EEFSEC: variants seen among roughly 807,000 people sequenced by gnomAD.
EEFSEC encodes the protein selenocysteine-specific elongation factor.
In EEFSEC, 43 loss-of-function variants were observed where a neutral mutation model predicts 42.1. The ratio of observed to expected loss-of-function variants is 1.02; its 90% confidence interval spans 0.80 to 1.32. The LOEUF is 1.32. Among genes scored for constraint, EEFSEC ranks in the 40% most tolerant of loss-of-function variants. The pLI, the probability that EEFSEC is intolerant of heterozygous loss-of-function variation, is 0.00. For missense variants in EEFSEC, 745 were observed against 803.6 expected (o/e 0.93, Z 0.88); for synonymous variants, 354 against 339.1 (o/e 1.04, Z -0.48).
intron 4 of EEFSEC, among the ~76,000 whole-genome samples, chr3:128,291,571 T>C (rs2066644393): frequency 6.6e-6 from 1 of 152,218 alleles, no homozygotes; most frequent in Admixed American, 6.5e-5. Flanking sequence ...CATTATAAAT[T>C]ACCCAGTCTC....
intron 4 of EEFSEC, among the ~76,000 whole-genome samples, chr3:128,307,933 G>A (rs954243288): frequency 2.2e-4 from 33 of 152,210 alleles, no homozygotes; most frequent in African/African-American, 6.8e-4. Flanking sequence ...TGTGGCAGGC[G>A]AGAGCACATG....
At chr3:128,286,590 T>C (rs2066588677) in intron 4 of EEFSEC, among the ~76,000 whole-genome samples, 2 of 152,334 alleles carry the variant, frequency 1.3e-5, no homozygotes, top group South Asian at 2.1e-4. Context: ...CCTCTTGACA[T>C]GGCCCATCCT....
At chr3:128,258,403 G>A (rs2066264595) in intron 2 of EEFSEC, among the ~76,000 whole-genome samples, 1 of 152,158 alleles carries the variant, frequency 6.6e-6, no homozygotes, top group Non-Finnish European at 1.5e-5. Flanking sequence ...CCTTGCTTCT[G>A]CTATTTGCTT....
chr3:128,294,199 T>C (rs190291047), intron 4 of EEFSEC, among the ~76,000 whole-genome samples: 1 of 152,300 alleles, frequency 6.6e-6, no homozygotes, highest in East Asian at 1.9e-4. Flanking sequence ...AGATACCTGG[T>C]GAGGCCCAGA....
Position 128,377,678 on chromosome 3 carries a change from T to G in EEFSEC, c.1600+19305T>G, listed in dbSNP as rs1237863397. ...GGAAGCATCTCTGTCTATAAATCTC[T>G]GTTTTAATATGTAGGGTATTTTCTT... On this transcript the variant is annotated intron_variant, in intron 6 of 6. Transcript: ENST00000254730. Among the ~76,000 whole-genome samples the G allele has an allele frequency of 3.3e-5, 5 of 152,254 alleles. No homozygotes were observed. The East Asian group carries it at 9.6e-4, about 29-fold the overall frequency.
intron 4 of EEFSEC, among the ~76,000 whole-genome samples, chr3:128,294,166 T>A (rs1466609527): frequency 6.6e-6 from 1 of 152,154 alleles, no homozygotes; most frequent in Non-Finnish European, 1.5e-5. Context: ...CCATTAGGGG[T>A]CCTCACTGGG....
chr3:128,392,654 A>AG (rs2067928833), intron 6 of EEFSEC, among the ~76,000 whole-genome samples: 1 of 152,208 alleles, frequency 6.6e-6, no homozygotes, highest in African/African-American at 2.4e-5. Context: ...AAGTGACAGG[A>AG]GGCTGCCCCT....
intron 1 of EEFSEC, among the ~76,000 whole-genome samples, chr3:128,243,350 C>T (rs571657470): frequency 6.6e-6 from 1 of 152,344 alleles, no homozygotes; most frequent in African/African-American, 2.4e-5. Flanking sequence ...TTCCCATCCA[C>T]AGGATCTCAA....
At chr3:128,391,172 A>G (rs1434060016) in intron 6 of EEFSEC, among the ~76,000 whole-genome samples, 1 of 152,250 alleles carries the variant, frequency 6.6e-6, no homozygotes, top group East Asian at 1.9e-4. Flanking sequence ...ATTCTTGATT[A>G]AATGAATGCA....
At chr3:128,286,709 G>A (rs916712519) in intron 4 of EEFSEC, among the ~76,000 whole-genome samples, 2 of 152,222 alleles carry the variant, frequency 1.3e-5, no homozygotes, top group Non-Finnish European at 2.9e-5. Flanking sequence ...ACCTTCTATA[G>A]GAGAATGGTA....
At chr3:128,182,888 GGGT>G (rs201222198) in intron 1 of EEFSEC, among the ~76,000 whole-genome samples, 16,299 of 145,594 alleles carry the variant, frequency 0.11, 1,300 homozygotes, top group Middle Eastern at 0.18. Flanking sequence ...CGGGGCGGGG[GGGT>G]GGGGTGGTTG....
intron 1 of EEFSEC, among the ~76,000 whole-genome samples, chr3:128,200,039 A>G (rs993014030): frequency 4.6e-5 from 7 of 151,760 alleles, no homozygotes; most frequent in African/African-American, 1.7e-4. Context: ...CAGCCTAAAA[A>G]TATTATTTTA....
At position 128,329,949 on chromosome 3, in the gene EEFSEC, C is replaced by A. The variant is rs568373418; in HGVS notation, c.787-11284C>A. Among the ~76,000 whole-genome samples the A allele has an allele frequency of 6.6e-5, 10 of 152,338 alleles. No individual in the cohort carries two copies. The South Asian group carries it at 2.1e-3, about 32-fold the overall frequency. ...AGGCCCAGGGCCCACAGGTGAGGTA[C>A]TGTTCACTGCTCCATGGCGGTGATG... On this transcript the variant is annotated intron_variant, in intron 4 of 6. Coordinates refer to ENST00000254730, the MANE Select transcript of EEFSEC (RefSeq NM_021937.5).
chr3:128,290,729 G>A (rs893410749), intron 4 of EEFSEC, among the ~76,000 whole-genome samples: 5 of 151,868 alleles, frequency 3.3e-5, no homozygotes, highest in South Asian at 2.1e-4. Context: ...ATGTTTTATC[G>A]TTTTTTGGGG....
chr3:128,303,422 G>A (rs2066792558), intron 4 of EEFSEC, among the ~76,000 whole-genome samples: 1 of 152,208 alleles, frequency 6.6e-6, no homozygotes, highest in Admixed American at 6.5e-5. Flanking sequence ...TGACCTGATA[G>A]GTGAAACAAG....
chr3:128,315,218 T>C (rs949930114), intron 4 of EEFSEC, among the ~76,000 whole-genome samples: 1 of 152,166 alleles, frequency 6.6e-6, no homozygotes, highest in African/African-American at 2.4e-5. Context: ...ACCTGCCTCA[T>C]TGGTAGTGGA....
At chr3:128,369,984 A>G (rs58603808) in intron 6 of EEFSEC, among the ~76,000 whole-genome samples, 2,848 of 152,298 alleles carry the variant, frequency 0.019, 95 homozygotes, top group African/African-American at 0.064. Flanking sequence ...TCTAGGATAC[A>G]GTCCATTTTC....
chr3:128,358,253 T>C lies in EEFSEC; in HGVS notation c.1480T>C (p.Phe494Leu), dbSNP rs764886369. 6.2e-7 allele frequency: 1 copy of C among 1,614,130 alleles called. No homozygotes were observed. The highest frequency in any genetic ancestry group is 2.2e-5 in the East Asian group (1 of 44,878). ...CTACAGTGTGATCGGCCGCTCCCTG[T>C]TCAAAAAGGAAACCAACATCCAGCT... ...DDYSVIGRSL[F>L]KKETNIQLFV... The change falls in exon 6 of 7, where the codon TTC (phenylalanine) becomes CTC (leucine). Residue 494 changes from phenylalanine (F) to leucine (L), a missense_variant. Phe to Leu is a conservative substitution (Grantham distance 22). Transcript: ENST00000254730.
intron 1 of EEFSEC, among the ~76,000 whole-genome samples, chr3:128,235,076 T>C (rs2065994325): frequency 6.6e-6 from 1 of 152,190 alleles, no homozygotes; most frequent in Non-Finnish European, 1.5e-5. Context: ...TTTTATTTTA[T>C]TTTTTTGAGG....
Sources: gnomAD v4.1 joint callset for allele counts (sites outside exome capture counted in the v4.1 genomes callset) on GRCh38, gnomAD v4.1.1 for gene constraint, MANE v1.5 for transcripts, NCBI Gene and HGNC (gene_info 2026-07-23, HGNC 2026-07-21) for gene names.